Variants in MBD1 observed in about 807,000 individuals in gnomAD.
MBD1 encodes methyl-CpG binding domain protein 1, also known as methyl-CpG-binding domain protein 1.
Under a neutral mutation model 82.6 loss-of-function variants are expected in MBD1, and 25 were observed. The observed-to-expected ratio is 0.30, with a 90% CI of 0.22 to 0.42. MBD1 has a LOEUF of 0.42. Ranked by LOEUF, MBD1 falls within the 10% of genes least tolerant of loss-of-function variation. The pLI, the probability that MBD1 is intolerant of heterozygous loss-of-function variation, is 1.00. For missense variants in MBD1, 627 were observed against 819.6 expected (o/e 0.76, Z 2.87); for synonymous variants, 301 against 303.7 (o/e 0.99, Z 0.09).
In MBD1 at chr18:50,273,846, A is replaced by G; in HGVS notation, c.1164T>C (p.Ser388=). The change falls in exon 12 of 17, where the codon AGT becomes AGC. Residue 388 remains serine (S), a synonymous_variant. Transcript: ENST00000269468. ...LQFAMKRLLP[S]VWSESEDGAG... is the part of the protein sequence containing the mutation. Reference sequence around the variant, plus strand: ...CCCCATCCTCAGACTCTGACCAGACACTGGGCAGCAGCCGCTTCTATGGGG... The same window carrying G: ...CCCCATCCTCAGACTCTGACCAGACGCTGGGCAGCAGCCGCTTCTATGGGG... The G allele has an allele frequency of 6.2e-7, 1 of 1,613,030 alleles. No homozygotes were observed. Among genetic ancestry groups the G allele is most frequent in the Non-Finnish European group, 8.5e-7 (1 of 1,179,966 alleles).
At chr18:50,277,814 C>T (rs1270926165) in intron 2 of MBD1, among the ~76,000 whole-genome samples, 3 of 151,992 alleles carry the variant, frequency 2.0e-5, no homozygotes, top group African/African-American at 7.3e-5. Context: ...GGAAAGTATA[C>T]TTTTTCCAAA....
Position 50,277,110 on chromosome 18 carries a change from A to G in MBD1, c.205T>C (p.Leu69=). The part of the protein sequence containing the change: ...LTLFDFKQGI[L]CYPAPKAHPV... ...AGTACCTTGGGGGCTGGATAGCACA[A>G]GATGCCTTGTTTGAAGTCGAAGAGG... Residue 69 remains leucine, a synonymous_variant, in exon 3 of 17, where the codon TTG becomes CTG. Transcript: ENST00000269468. 6.2e-7 allele frequency: 1 copy of G among 1,614,252 alleles called. No individual in the cohort carries two copies. Among genetic ancestry groups the G allele is most frequent in the Non-Finnish European group, 8.5e-7 (1 of 1,180,044 alleles).
In MBD1 at chr18:50,275,139, G is replaced by A; in HGVS notation, c.899C>T (p.Pro300Leu). 6.2e-7 allele frequency: 1 copy of A among 1,614,020 alleles called. No individual in the cohort carries two copies. ...CCACTGGGGCCTCACCGGCTCTGTG[G>A]GCTCTGGGGACTGTGATGGGGGTGG... is the stretch of plus-strand genomic sequence containing the variant. ...PPPPPSQSPE[P>L]TEPHPRALAP... The change falls in exon 9 of 17, where the codon CCC becomes CTC. Residue 300 changes from proline (P) to leucine (L), a missense_variant. Transcript: ENST00000269468.
At chr18:50,272,790 G>A (rs1336348024) in intron 14 of MBD1, 34 bp downstream of exon 14, 2 of 1,614,222 alleles carry the variant, frequency 1.2e-6, no homozygotes, top group East Asian at 2.2e-5. Flanking sequence ...GCTACAGCAG[G>A]GTCAGGGCAG....
rs1186797085 is a variant in MBD1 at position 50,269,123 on chromosome 18, G to C, written c.*728C>G. On this transcript the variant is annotated 3_prime_UTR_variant, in exon 17 of 17. Transcript: ENST00000269468. ...GTATTAAGTACAGTGCCTACCACAG[G>C]CCAGGTTCTCAATACTTGAATAAAT... 1 of 1,029,944 alleles carries C rather than the reference G, an allele frequency of 9.7e-7. No individual in the cohort carries two copies. The highest frequency in any genetic ancestry group is 1.2e-6 in the Non-Finnish European group (1 of 856,654). The allele number at this position is 1,029,944 out of a possible 1,614,324, so 63.8% of individuals were successfully genotyped here.
intron 2 of MBD1, among the ~76,000 whole-genome samples, chr18:50,278,852 T>C (rs909379134): frequency 6.6e-6 from 1 of 151,964 alleles, no homozygotes; most frequent in African/African-American, 2.4e-5. Context: ...TAATACATAT[T>C]TTTTTTTACA....
chr18:50,273,143 G>A, intron 13 of MBD1, 188 bp from the exon 14 acceptor site: 2 of 1,201,080 alleles, frequency 1.7e-6, no homozygotes, highest in East Asian at 2.5e-5. Context: ...TCTGTTAGCT[G>A]GATAGCAAAG....
At position 50,273,651 on chromosome 18, in the gene MBD1, G is replaced by T; in HGVS notation, c.1359C>A (p.Gly453=). ...AGGGFVLPPP[G]TDLVFLREGA... is the part of the protein sequence containing the mutation. ...CTTCCCGTAAAAACACAAGGTCAGT[G>T]CCAGGCGGGGGCAGCACAAAGCCAC... Residue 453 remains glycine, a synonymous_variant, in exon 12 of 17, where the codon GGC becomes GGA. Transcript: ENST00000269468. 6.2e-7 allele frequency: 1 copy of T among 1,613,968 alleles called. No individual in the cohort carries two copies. The highest frequency in any genetic ancestry group is 8.5e-7 in the Non-Finnish European group (1 of 1,180,036).
intron 5 of MBD1, 66 bp from the exon 6 acceptor site, chr18:50,276,484 G>A (rs2037952684): frequency 6.5e-7 from 1 of 1,542,516 alleles, no homozygotes; most frequent in Non-Finnish European, 9.0e-7. Flanking sequence ...TTCACTCACT[G>A]CCTGTGCCCT....
chr18:50,281,029 G>A (rs373810563), intron 1 of MBD1: 6 of 782,666 alleles, frequency 7.7e-6, no homozygotes, highest in Admixed American at 4.4e-5. Context: ...ATCAGCCTGA[G>A]GGCCCCTCAT....
At chr18:50,279,389 A>T (rs1267545570) in intron 2 of MBD1, among the ~76,000 whole-genome samples, 1 of 152,228 alleles carries the variant, frequency 6.6e-6, no homozygotes, top group Non-Finnish European at 1.5e-5. Context: ...CTTACAGCCA[A>T]CAGCATTGTA....
chr18:50,273,923 G>A, intron 11 of MBD1, 60 bp from the exon 12 acceptor site: 1 of 1,587,088 alleles, frequency 6.3e-7, no homozygotes. Flanking sequence ...CATCCACCCT[G>A]CCCGGCTCCA....
intron 15 of MBD1, 66 bp downstream of exon 15, chr18:50,272,611 C>G: frequency 5.7e-6 from 9 of 1,582,824 alleles, no homozygotes; most frequent in Non-Finnish European, 7.8e-6. Flanking sequence ...GCTATACTTT[C>G]AAAACTCAGG....
At chr18:50,273,993 T>A (rs1303635932) in intron 11 of MBD1, 130 bp from the exon 12 acceptor site, 1 of 1,344,934 alleles carries the variant, frequency 7.4e-7, no homozygotes, top group African/African-American at 1.4e-5. Flanking sequence ...GAGCCCTTCA[T>A]CACTGAGCCT....
chr18:50,272,949 C>G lies in MBD1; in HGVS notation c.1591G>C (p.Asp531His), dbSNP rs1487941803. 1 of 1,614,026 alleles carries G rather than the reference C, an allele frequency of 6.2e-7. No individual in the cohort carries two copies. The highest frequency in any genetic ancestry group is 8.5e-7 in the Non-Finnish European group (1 of 1,180,042). Residue 531 changes from aspartate (D) to histidine (H), a missense_variant, in exon 14 of 17, where the codon GAC (aspartate) becomes CAC (histidine). By Grantham distance (81) the Asp-to-His change is moderately conservative (BLOSUM62 -1). Around this residue, in one of 6 missense-constraint regions of MBD1, gnomAD observed 265 missense variants for 278.4 expected, o/e 0.95. Transcript: ENST00000269468. ...LVPGCPSKAV[D>H]PGLPSVKQEP... ...TGCTTCACAGAAGGCAGGCCTGGGTCTACTGCCTGGGAGAAGTAGGAAACA... is the reference window on the plus strand; with the variant it reads ...TGCTTCACAGAAGGCAGGCCTGGGTGTACTGCCTGGGAGAAGTAGGAAACA...
chr18:50,274,495 C>A (rs559826615), intron 10 of MBD1, 142 bp from the exon 11 acceptor site: 2 of 852,626 alleles, frequency 2.3e-6, no homozygotes, highest in East Asian at 5.3e-5. Context: ...CCTGACTCCC[C>A]ACTAGTCACT....
chr18:50,273,613 G>A lies in MBD1; in HGVS notation c.1397C>T (p.Pro466Leu). Residue 466 changes from proline to leucine, a missense_variant, in exon 12 of 17, where the codon CCT (proline) becomes CTT (leucine). By Grantham distance (98) the Pro-to-Leu change is moderately conservative. This residue lies in a region of MBD1 where 265 missense variants were observed against 278.4 expected (regional missense o/e 0.95). Coordinates refer to ENST00000269468, the MANE Select transcript of MBD1 (RefSeq NM_015846.4). ...LVFLREGASS[P>L]VQVPGPVAAS... ...TGCAACAGGGCCCGGCACCTGCACAGGACTGCTTGCGCCTTCCCGTAAAAA... is the reference window on the plus strand; with the variant it reads ...TGCAACAGGGCCCGGCACCTGCACAAGACTGCTTGCGCCTTCCCGTAAAAA... 5 of 1,613,380 alleles carry A rather than the reference G, an allele frequency of 3.1e-6. No individual in the cohort carries two copies. Among genetic ancestry groups the A allele is most frequent in the Non-Finnish European group, 4.2e-6 (5 of 1,180,028 alleles).
Position 50,269,733 on chromosome 18 carries a change from TC to T in MBD1, c.*117del, listed in dbSNP as rs1419996798. The T allele has an allele frequency of 2.6e-6, 2 of 781,360 alleles. No homozygotes were observed. 48.4% of individuals were successfully genotyped at this position (781,360 alleles called of 1,614,324 possible). The stretch of plus-strand genomic sequence containing the variant: ...TGGGTTCCAGGCCATCCTCGTGGGT[TC>T]CAGCTCGTGCTCGTGGGCTCCACTG... On this transcript the variant is annotated 3_prime_UTR_variant, in exon 17 of 17. Coordinates refer to ENST00000269468, the MANE Select transcript of MBD1 (RefSeq NM_015846.4).
chr18:50,274,132 T>G (rs1454061528), intron 11 of MBD1, 54 bp downstream of exon 11: 1 of 1,606,864 alleles, frequency 6.2e-7, no homozygotes, highest in African/African-American at 1.3e-5. Flanking sequence ...TTCCAGGCAC[T>G]GGGGCGCCTG....
Sources: gnomAD v4.1 joint callset for allele counts (sites outside exome capture counted in the v4.1 genomes callset) on GRCh38, gnomAD v4.1.1 for gene constraint, gnomAD v4.1.1 regional missense constraint, MANE v1.5 for transcripts, NCBI Gene and HGNC (gene_info 2026-07-23, HGNC 2026-07-21) for gene names.